Variants in IPCEF1 observed in about 807,000 individuals in gnomAD.
The protein encoded by IPCEF1 is interactor protein for cytohesin exchange factors 1.
In IPCEF1, 31 loss-of-function variants were observed where a neutral mutation model predicts 50.9. That is an observed-to-expected ratio of 0.61 (90% CI 0.46 to 0.82). IPCEF1 has a LOEUF of 0.82. Ranked by LOEUF, IPCEF1 falls within the 40% of genes least tolerant of loss-of-function variation. IPCEF1 has a pLI of 0.00. For synonymous variants in IPCEF1, 181 were observed against 192.0 expected (o/e 0.94, Z 0.47); for missense variants, 458 against 514.0 (o/e 0.89, Z 1.05).
intron 1 of IPCEF1, among the ~76,000 whole-genome samples, chr6:154,319,905 A>G (rs1372976932): frequency 3.3e-5 from 5 of 152,208 alleles, no homozygotes; most frequent in Non-Finnish European, 7.3e-5. Context: ...GTATCCCCAA[A>G]ATTTTAAATC....
chr6:154,189,326 A>G (rs1222359965), intron 10 of IPCEF1, among the ~76,000 whole-genome samples: 1 of 152,220 alleles, frequency 6.6e-6, no homozygotes, highest in African/African-American at 2.4e-5. Flanking sequence ...AAGCAATTTC[A>G]TCTAGTAAAG....
Position 154,159,285 on chromosome 6 carries a change from C to T in IPCEF1, c.*543G>A, listed in dbSNP as rs1008210954. 1 of 158,638 alleles carries T rather than the reference C, an allele frequency of 6.3e-6. No individual in the cohort carries two copies. The highest frequency in any genetic ancestry group is 1.4e-5 in the Non-Finnish European group (1 of 72,790). The allele number at this position is 158,638 out of a possible 1,614,324, so 9.8% of individuals were successfully genotyped here. A position where few individuals can be genotyped will look rare whatever the true frequency, so the allele number is the denominator to read the frequency against. On this transcript the variant is annotated 3_prime_UTR_variant, in exon 12 of 12. Coordinates refer to ENST00000367220, the MANE Select transcript of IPCEF1 (RefSeq NM_001130700.2). ...ACTGTCTATGAAGCATTTCTCATCA[C>T]ATGGAAAAGGCACCACCATTCCATA... is the stretch of plus-strand genomic sequence containing the variant.
chr6:154,172,578 G>A (rs886619181), intron 10 of IPCEF1, among the ~76,000 whole-genome samples: 4 of 152,316 alleles, frequency 2.6e-5, no homozygotes, highest in African/African-American at 9.6e-5. Flanking sequence ...GCTGGAGCTT[G>A]GCAAGGGGAG....
intron 10 of IPCEF1, among the ~76,000 whole-genome samples, chr6:154,199,254 C>T (rs1776883686): frequency 6.6e-6 from 1 of 152,150 alleles, no homozygotes; most frequent in Non-Finnish European, 1.5e-5. Flanking sequence ...GGGGCACAGC[C>T]CAGAGAAAGT....
At chr6:154,228,894 A>G (rs926035335) in intron 5 of IPCEF1, among the ~76,000 whole-genome samples, 4 of 152,238 alleles carry the variant, frequency 2.6e-5, no homozygotes, top group Non-Finnish European at 4.4e-5. Flanking sequence ...GTCTCAAAAC[A>G]AACAAACAAA....
chr6:154,248,873 A>T (rs528103043), intron 3 of IPCEF1, among the ~76,000 whole-genome samples: 8 of 152,276 alleles, frequency 5.3e-5, no homozygotes, highest in South Asian at 2.1e-4. Flanking sequence ...ATATAATATT[A>T]TATCGTTGAG....
chr6:154,204,968 C>G (rs1222667658), intron 9 of IPCEF1, among the ~76,000 whole-genome samples: 1 of 152,214 alleles, frequency 6.6e-6, no homozygotes, highest in Non-Finnish European at 1.5e-5. Flanking sequence ...ATCACCACAT[C>G]TCTGGTCCCT....
chr6:154,199,241 T>C (rs550941230), intron 10 of IPCEF1, among the ~76,000 whole-genome samples: 3 of 152,354 alleles, frequency 2.0e-5, no homozygotes, highest in South Asian at 4.1e-4. Flanking sequence ...TTAGATACTG[T>C]CTGGGGCACA....
At chr6:154,343,978 A>G (rs1192770524) in intron 1 of IPCEF1, among the ~76,000 whole-genome samples, 2 of 152,182 alleles carry the variant, frequency 1.3e-5, no homozygotes, top group East Asian at 3.8e-4. Flanking sequence ...GCATTTGCAT[A>G]TTAAAAGACT....
At chr6:154,223,641 C>T (rs1779036133) in intron 5 of IPCEF1, among the ~76,000 whole-genome samples, 1 of 152,220 alleles carries the variant, frequency 6.6e-6, no homozygotes, top group Non-Finnish European at 1.5e-5. Context: ...AGGAAGAAAC[C>T]TAACTAGCAT....
At chr6:154,297,392 T>A (rs1199874449) in intron 1 of IPCEF1, among the ~76,000 whole-genome samples, 1 of 152,162 alleles carries the variant, frequency 6.6e-6, no homozygotes, top group Non-Finnish European at 1.5e-5. Context: ...AGCAGGTTCC[T>A]GACTCAGCAC....
chr6:154,297,812 T>A (rs2128673042), intron 1 of IPCEF1, among the ~76,000 whole-genome samples: 1 of 152,336 alleles, frequency 6.6e-6, no homozygotes, highest in Non-Finnish European at 1.5e-5. Context: ...GGATGACAGC[T>A]AATATTTTGG....
chr6:154,325,074 A>G (rs1472490078), intron 1 of IPCEF1, among the ~76,000 whole-genome samples: 1 of 152,230 alleles, frequency 6.6e-6, no homozygotes, highest in Non-Finnish European at 1.5e-5. Flanking sequence ...CAGTTCATAG[A>G]AAGGAAACAC....
intron 10 of IPCEF1, among the ~76,000 whole-genome samples, chr6:154,173,282 C>T (rs556560624): frequency 6.6e-6 from 1 of 152,232 alleles, no homozygotes; most frequent in East Asian, 1.9e-4. Context: ...AACACAACTC[C>T]TCACCAGCAA....
intron 1 of IPCEF1, among the ~76,000 whole-genome samples, chr6:154,296,846 A>G (rs1401287271): frequency 1.3e-5 from 2 of 151,666 alleles, no homozygotes; most frequent in African/African-American, 4.8e-5. Flanking sequence ...AAAAAAAAGA[A>G]AAAAAAAGAG....
chr6:154,307,243 G>A (rs1782958550), intron 1 of IPCEF1, among the ~76,000 whole-genome samples: 1 of 152,134 alleles, frequency 6.6e-6, no homozygotes, highest in Non-Finnish European at 1.5e-5. Flanking sequence ...ATGGGGTGGG[G>A]TCTTTCCTGT....
chr6:154,278,472 A>C (rs1398741774), intron 2 of IPCEF1, among the ~76,000 whole-genome samples: 1 of 152,172 alleles, frequency 6.6e-6, no homozygotes, highest in Non-Finnish European at 1.5e-5. Context: ...GATCCTAGCC[A>C]CCCCAGCTAA....
At chr6:154,269,130 A>G (rs761523613) in intron 2 of IPCEF1, among the ~76,000 whole-genome samples, 1 of 152,208 alleles carries the variant, frequency 6.6e-6, no homozygotes, top group Non-Finnish European at 1.5e-5. Flanking sequence ...TTCAATATAT[A>G]TTTGTTGAGT....
chr6:154,155,976 GAGA>G lies in IPCEF1; in HGVS notation c.*3849_*3851del, dbSNP rs1040634941. On this transcript the variant is annotated 3_prime_UTR_variant, in exon 12 of 12. Coordinates refer to ENST00000367220, the MANE Select transcript of IPCEF1 (RefSeq NM_001130700.2). ...TCATGATTACATGAAAAGCAATTAA[GAGA>G]AGAAGGTCAAAGGACCAACCTCTAA... 1.3e-5 allele frequency: 2 copies of G among 152,194 alleles called. No individual in the cohort carries two copies. The highest frequency in any genetic ancestry group is 2.4e-5 in the African/African-American group (1 of 41,444). The allele number at this position is 152,194 out of a possible 1,614,324, so 9.4% of individuals were successfully genotyped here. A position where few individuals can be genotyped will look rare whatever the true frequency, so the allele number is the denominator to read the frequency against.
Sources: gnomAD v4.1 joint callset for allele counts (sites outside exome capture counted in the v4.1 genomes callset) on GRCh38, gnomAD v4.1.1 for gene constraint, MANE v1.5 for transcripts, NCBI Gene and HGNC (gene_info 2026-07-23, HGNC 2026-07-21) for gene names.